The following MARCHF1 variants were observed in gnomAD, a reference collection of about 807,000 sequenced individuals.
The protein encoded by MARCHF1 is membrane associated ring-CH-type finger 1, also known as E3 ubiquitin-protein ligase MARCHF1.
A neutral mutation model predicts 54.2 loss-of-function variants in MARCHF1; 40 were observed. That is an observed-to-expected ratio of 0.74 (90% CI 0.57 to 0.96). The LOEUF (loss-of-function observed/expected upper bound fraction) is 0.96, where lower values mean the gene tolerates loss of function less well. MARCHF1 is among the 40% of genes least tolerant of loss of function. MARCHF1 has a pLI of 0.00. For synonymous variants in MARCHF1, 236 were observed against 236.3 expected, an observed-to-expected ratio of 1.00 and a Z score of 0.01; for missense variants, 586 against 656.5, an observed-to-expected ratio of 0.89 and a Z score of 1.17.
At chr4:163,632,779 C>A (rs1560986651) in intron 5 of MARCHF1, among the ~76,000 whole-genome samples, 1 of 152,260 alleles carries the variant, frequency 6.6e-6, no homozygotes, top group African/African-American at 2.4e-5. Context: ...TCTGTAGGCT[C>A]AACCTCTGGG....
chr4:164,137,787 T>C (rs898655703), intron 1 of MARCHF1, among the ~76,000 whole-genome samples: 2 of 152,140 alleles, frequency 1.3e-5, no homozygotes, highest in Non-Finnish European at 2.9e-5. Context: ...CTTGTTATGA[T>C]AGAACTAAAA....
In MARCHF1 at chr4:163,792,485, T is replaced by A. The variant is rs74926209; in HGVS notation, c.111+61536A>T. On this transcript the variant is annotated intron_variant, in intron 4 of 9. Transcript: ENST00000514618. ...TTCATAGTCCAATATTTGCATTTCA[T>A]ATTTAATATTCTATATCTGTAAATT... Among the ~76,000 whole-genome samples the A allele has an allele frequency of 6.4e-3, 980 of 152,230 alleles. 8 individuals carry two copies. The highest frequency in any genetic ancestry group is 0.011 in the Non-Finnish European group (771 of 68,010).
At chr4:164,148,164 C>CACAT (rs2110896465) in intron 1 of MARCHF1, among the ~76,000 whole-genome samples, 1 of 151,862 alleles carries the variant, frequency 6.6e-6, no homozygotes, top group African/African-American at 2.4e-5. Context: ...CACACACACA[C>CACAT]ACACACTCAC....
chr4:163,709,156 G>A (rs1422634411), intron 4 of MARCHF1, among the ~76,000 whole-genome samples: 2 of 152,122 alleles, frequency 1.3e-5, no homozygotes, highest in Non-Finnish European at 2.9e-5. Flanking sequence ...ATCCAATCTT[G>A]GCTATTAACA....
chr4:164,358,422 A>T (rs1219475660), intron 1 of MARCHF1, among the ~76,000 whole-genome samples: 1 of 152,178 alleles, frequency 6.6e-6, no homozygotes, highest in Non-Finnish European at 1.5e-5. Context: ...TATAAGATAG[A>T]AGAAACTATG....
At chr4:164,185,868 T>C (rs1156967509) in intron 1 of MARCHF1, among the ~76,000 whole-genome samples, 2 of 152,050 alleles carry the variant, frequency 1.3e-5, no homozygotes, top group East Asian at 3.9e-4. Flanking sequence ...TATGATTTTA[T>C]TGAGGGTTTA....
At chr4:163,643,595 T>C (rs965631484) in intron 5 of MARCHF1, among the ~76,000 whole-genome samples, 1 of 152,172 alleles carries the variant, frequency 6.6e-6, no homozygotes, top group Non-Finnish European at 1.5e-5. Flanking sequence ...AATGGGGATG[T>C]CAGGGTACAA....
At chr4:164,285,446 T>A (rs56923942) in intron 1 of MARCHF1, among the ~76,000 whole-genome samples, 27,862 of 151,316 alleles carry the variant, frequency 0.18, 2,874 homozygotes, top group Admixed American at 0.3. Flanking sequence ...TTAATTAATT[T>A]ATTTATTTAT....
intron 8 of MARCHF1, among the ~76,000 whole-genome samples, chr4:163,555,559 G>T (rs1419249249): frequency 6.6e-6 from 1 of 152,048 alleles, no homozygotes; most frequent in Non-Finnish European, 1.5e-5. Context: ...TCTCTCGGAG[G>T]TTATGGTGAA....
intron 8 of MARCHF1, among the ~76,000 whole-genome samples, chr4:163,556,502 C>T (rs1039260096): frequency 1.5e-4 from 23 of 151,860 alleles, no homozygotes; most frequent in African/African-American, 5.6e-4. Flanking sequence ...TATTTGCACT[C>T]TTTAATAGCA....
intron 3 of MARCHF1, among the ~76,000 whole-genome samples, chr4:163,987,462 GTCTTTT>G (rs1221563887): frequency 6.6e-6 from 1 of 152,124 alleles, no homozygotes; most frequent in African/African-American, 2.4e-5. Context: ...AAATTTATTA[GTCTTTT>G]CCTTTCAAAC....
At chr4:164,192,767 G>C (rs1420537220) in intron 1 of MARCHF1, among the ~76,000 whole-genome samples, 1 of 152,148 alleles carries the variant, frequency 6.6e-6, no homozygotes, top group African/African-American at 2.4e-5. Context: ...GTGCATTCAA[G>C]TTAGGCATGC....
chr4:163,800,674 A>T (rs1748056724), intron 4 of MARCHF1, among the ~76,000 whole-genome samples: 1 of 152,124 alleles, frequency 6.6e-6, no homozygotes, highest in Non-Finnish European at 1.5e-5. Context: ...ACAAAGTATC[A>T]TCTGGTACAG....
chr4:163,735,145 T>C (rs1745998886), intron 4 of MARCHF1, among the ~76,000 whole-genome samples: 1 of 152,196 alleles, frequency 6.6e-6, no homozygotes, highest in South Asian at 2.1e-4. Context: ...AATCCAGTGT[T>C]ACCTTCTCAG....
chr4:164,356,679 G>C (rs1450783375), intron 1 of MARCHF1, among the ~76,000 whole-genome samples: 4 of 136,774 alleles, frequency 2.9e-5, no homozygotes, highest in Non-Finnish European at 4.7e-5. Context: ...CGAGTTAGTG[G>C]GTGCAGCGCA....
In MARCHF1 at chr4:163,758,319, A is replaced by G. The variant is rs547120046; in HGVS notation, c.112-57456T>C. On this transcript the variant is annotated intron_variant, in intron 4 of 9. Coordinates refer to ENST00000514618, the MANE Select transcript of MARCHF1 (RefSeq NM_001394959.1). ...TGGGCTGGAGACACAGTGATTTCCA[A>G]TCTCACATCTTAGGTGCTTCAGGGG... Among the ~76,000 whole-genome samples the G allele has an allele frequency of 1.2e-3, 190 of 152,228 alleles. 1 individual carries two copies. In the Middle Eastern group the frequency reaches 0.031, roughly 25 times the overall value.
intron 3 of MARCHF1, among the ~76,000 whole-genome samples, chr4:163,936,855 T>C (rs545395931): frequency 2.2e-4 from 34 of 152,320 alleles, no homozygotes; most frequent in African/African-American, 7.9e-4. Flanking sequence ...AGTTCTCAGA[T>C]CCTCAGGCTC....
At chr4:164,229,034 G>T (rs1732334921) in intron 1 of MARCHF1, among the ~76,000 whole-genome samples, 2 of 152,116 alleles carry the variant, frequency 1.3e-5, no homozygotes, top group African/African-American at 4.8e-5. Flanking sequence ...TGTTAAAAGA[G>T]AAGTTCCATA....
chr4:163,745,093 C>T (rs1362782492), intron 4 of MARCHF1, among the ~76,000 whole-genome samples: 3 of 151,052 alleles, frequency 2.0e-5, no homozygotes, highest in Non-Finnish European at 4.4e-5. Context: ...GTTGCATGCT[C>T]GTTTTTTCTT....
Sources: gnomAD v4.1 joint callset for allele counts (sites outside exome capture counted in the v4.1 genomes callset) on GRCh38, gnomAD v4.1.1 for gene constraint, MANE v1.5 for transcripts, NCBI Gene and HGNC (gene_info 2026-07-23, HGNC 2026-07-21) for gene names.